Variants in PCDHA7 observed in about 807,000 individuals in gnomAD.
PCDHA7 encodes the protein protocadherin alpha-7.
A neutral mutation model predicts 57.2 loss-of-function variants in PCDHA7; 37 were observed. That is an observed-to-expected ratio of 0.65 (90% CI 0.50 to 0.85). The LOEUF (loss-of-function observed/expected upper bound fraction) is 0.85, where lower values mean the gene tolerates loss of function less well. Ranked by LOEUF, PCDHA7 falls within the 40% of genes least tolerant of loss-of-function variation. The pLI, the probability that PCDHA7 is intolerant of heterozygous loss-of-function variation, is 0.00. For synonymous variants in PCDHA7, 553 were observed against 558.8 expected (o/e 0.99, Z 0.15); for missense variants, 1,188 against 1,241.8 (o/e 0.96, Z 0.65).
intron 1 of PCDHA7, chr5:140,877,965 G>A (rs1049843517): frequency 1.8e-5 from 23 of 1,304,904 alleles, no homozygotes; most frequent in Non-Finnish European, 2.2e-5. Context: ...CATCTTTCTT[G>A]GTCATTCTTA....
intron 1 of PCDHA7, chr5:140,863,602 T>G: frequency 1.4e-5 from 5 of 354,858 alleles, no homozygotes; most frequent in South Asian, 1.1e-4. Flanking sequence ...TTCATTCCTA[T>G]TAATGTCCCT....
chr5:140,884,468 C>G, intron 1 of PCDHA7: 4 of 1,613,762 alleles, frequency 2.5e-6, no homozygotes, highest in Non-Finnish European at 3.4e-6. Context: ...CGCGTGCGCG[C>G]CGGGCAAGCC....
Position 140,929,131 on chromosome 5 carries a change from G to A in PCDHA7, c.2356-49818G>A, listed in dbSNP as rs782040825. ...ATCAGCCACCATAGATGTCACTACA[G>A]TTGAGAGACTTTCTCAGACTTATCT... On this transcript the variant is annotated intron_variant, in intron 1 of 3. Coordinates refer to ENST00000525929, the MANE Select transcript of PCDHA7 (RefSeq NM_018910.3). 5.0e-6 allele frequency: 8 copies of A among 1,614,036 alleles called. No homozygotes were observed. The East Asian group carries it at 6.7e-5, about 13-fold the overall frequency.
intron 1 of PCDHA7, among the ~76,000 whole-genome samples, chr5:140,973,570 T>C (rs1211629419): frequency 6.6e-6 from 1 of 152,232 alleles, no homozygotes; most frequent in Non-Finnish European, 1.5e-5. Flanking sequence ...CCTCAATTTT[T>C]CTACAGACTG....
intron 1 of PCDHA7, among the ~76,000 whole-genome samples, chr5:140,918,743 A>T (rs1346660934): frequency 6.6e-6 from 1 of 152,196 alleles, no homozygotes; most frequent in Non-Finnish European, 1.5e-5. Flanking sequence ...CCCTTATAAA[A>T]GAGGCCCAGA....
rs2150258385 is a variant in PCDHA7 at position 140,836,349 on chromosome 5, G to A, written c.1966G>A (p.Glu656Lys). The A allele has an allele frequency of 3.2e-5, 52 of 1,613,592 alleles. No homozygotes were observed. Among genetic ancestry groups the A allele is most frequent in the Non-Finnish European group, 4.4e-5 (52 of 1,179,846 alleles). ...TCTGGTGCTTGTGAAGGACCACGGG[G>A]AGCCCTCGCTGACAGCCACAGCCAC... ...RLLVLVKDHG[E>K]PSLTATATVL... The change falls in exon 1 of 4, where the codon GAG (glutamate) becomes AAG (lysine). Residue 656 changes from glutamate to lysine, a missense_variant. This residue lies in a region of PCDHA7 where 892 missense variants were observed against 788.5 expected (regional missense o/e 1.13). Transcript: ENST00000525929.
intron 1 of PCDHA7, among the ~76,000 whole-genome samples, chr5:140,916,170 G>A (rs782402888): frequency 1.5e-4 from 23 of 152,106 alleles, no homozygotes; most frequent in Non-Finnish European, 2.9e-4. Flanking sequence ...TGCCAGGCCT[G>A]GGACTCTTCA....
intron 1 of PCDHA7, chr5:140,868,995 A>G (rs944875255): frequency 4.0e-6 from 6 of 1,516,046 alleles, no homozygotes; most frequent in Non-Finnish European, 5.3e-6. Context: ...CCACCGTTTA[A>G]GGATCCTTTG....
chr5:140,877,027 G>T lies in PCDHA7; in HGVS notation c.2355+40289G>T, dbSNP rs376609696. 1.3e-4 allele frequency: 211 copies of T among 1,612,282 alleles called. No individual in the cohort carries two copies. Among genetic ancestry groups the T allele is most frequent in the Admixed American group, 2.7e-4 (16 of 60,002 alleles). On this transcript the variant is annotated intron_variant, in intron 1 of 3. Coordinates refer to ENST00000525929, the MANE Select transcript of PCDHA7 (RefSeq NM_018910.3). ...GCACGCGGAGAGCGGCAAGGTGTAC[G>T]CGCTGCAGCCGCTAGACCACGAGGA...
In PCDHA7 at chr5:140,936,310, T is replaced by C. The variant is rs541948860; in HGVS notation, c.2356-42639T>C. 5.3e-5 allele frequency among the ~76,000 whole-genome samples: 8 copies of C among 152,318 alleles called. No individual in the cohort carries two copies. The South Asian group carries it at 1.4e-3, about 28-fold the overall frequency. ...TATAACATTGCTATCCAATAGAACT[T>C]TCTGACATGCTATAAATTTTCTCTA... On this transcript the variant is annotated intron_variant, in intron 1 of 3. Transcript: ENST00000525929.
In PCDHA7 at chr5:141,011,003, C is replaced by T. The variant is rs748731648; in HGVS notation, c.*1066C>T. ...ATTGCCTGAAACATCTGTATTATAT[C>T]GGCCACCTGCCAATCACAGCTTTAC... On this transcript the variant is annotated 3_prime_UTR_variant, in exon 4 of 4. Coordinates refer to ENST00000525929, the MANE Select transcript of PCDHA7 (RefSeq NM_018910.3). 1 of 153,706 alleles carries T rather than the reference C, an allele frequency of 6.5e-6. No individual in the cohort carries two copies. The highest frequency in any genetic ancestry group is 2.1e-4 in the South Asian group (1 of 4,816). 9.5% of individuals were successfully genotyped at this position (153,706 alleles called of 1,614,324 possible).
At chr5:140,966,641 A>C in intron 1 of PCDHA7, 5 of 1,104,534 alleles carry the variant, frequency 4.5e-6, no homozygotes, top group Non-Finnish European at 6.0e-6. Flanking sequence ...GGCGCTTTCT[A>C]GAGCGTGAGC....
At position 140,836,131 on chromosome 5, in the gene PCDHA7, G is replaced by A. The variant is rs1554135629; in HGVS notation, c.1748G>A (p.Arg583Gln). The change falls in exon 1 of 4, where the codon CGG (arginine) becomes CAG (glutamine). Residue 583 changes from arginine to glutamine, a missense_variant. Coordinates refer to ENST00000525929, the MANE Select transcript of PCDHA7 (RefSeq NM_018910.3). ...GGCGCAGTGAGAGAGCTTGTGCCGC[G>A]GTCTGTGGGCGCGGGCCATGTGGTG... ...TGGAVRELVP[R>Q]SVGAGHVVAK... 2 of 1,613,752 alleles carry A rather than the reference G, an allele frequency of 1.2e-6. No individual in the cohort carries two copies. Among genetic ancestry groups the A allele is most frequent in the Admixed American group, 1.7e-5 (1 of 60,016 alleles).
At chr5:140,967,881 G>A (rs2096193873) in intron 1 of PCDHA7, 2 of 1,614,034 alleles carry the variant, frequency 1.2e-6, no homozygotes, top group Non-Finnish European at 1.7e-6. Context: ...GACCTGTATA[G>A]CCCAGTGCCT....
At chr5:140,973,414 C>G (rs992904408) in intron 1 of PCDHA7, among the ~76,000 whole-genome samples, 1 of 152,204 alleles carries the variant, frequency 6.6e-6, no homozygotes, top group Non-Finnish European at 1.5e-5. Flanking sequence ...GCTTCCACTC[C>G]AGTTTTTCAT....
intron 1 of PCDHA7, chr5:140,841,774 GTT>G (rs2150322506): frequency 6.2e-7 from 1 of 1,613,914 alleles, no homozygotes; most frequent in South Asian, 1.1e-5. Flanking sequence ...CAGACTCTCG[GTT>G]TCCGCTAGAG....
At position 140,883,407 on chromosome 5, in the gene PCDHA7, G is replaced by C. The variant is rs2059598150; in HGVS notation, c.2355+46669G>C. On this transcript the variant is annotated intron_variant, in intron 1 of 3. Coordinates refer to ENST00000525929, the MANE Select transcript of PCDHA7 (RefSeq NM_018910.3). The stretch of plus-strand genomic sequence containing the variant: ...ATCAGTGTGTCCGATCGTGACTCTG[G>C]CTCAAATGGACAGGTCACCTGCACC... The C allele has an allele frequency of 1.9e-6, 3 of 1,614,170 alleles. No homozygotes were observed. In the East Asian group the frequency reaches 6.7e-5, roughly 36 times the overall value.
chr5:141,001,130 T>C (rs1233424080), intron 3 of PCDHA7, among the ~76,000 whole-genome samples: 1 of 152,036 alleles, frequency 6.6e-6, no homozygotes, highest in African/African-American at 2.4e-5. Context: ...CTTAAACAAA[T>C]GAATCTTCTG....
chr5:140,998,495 C>T (rs782386986), intron 3 of PCDHA7, among the ~76,000 whole-genome samples: 17 of 152,170 alleles, frequency 1.1e-4, no homozygotes, highest in Non-Finnish European at 1.9e-4. Context: ...TCTTTGAGAA[C>T]AGGGTACTTG....
Sources: gnomAD v4.1 joint callset for allele counts (sites outside exome capture counted in the v4.1 genomes callset) on GRCh38, gnomAD v4.1.1 for gene constraint, gnomAD v4.1.1 regional missense constraint, MANE v1.5 for transcripts, NCBI Gene and HGNC (gene_info 2026-07-23, HGNC 2026-07-21) for gene names.